The following RPRD1A variants were observed in gnomAD, a reference collection of about 807,000 sequenced individuals.
RPRD1A encodes regulation of nuclear pre-mRNA domain containing 1A.
Under a neutral mutation model 37.8 loss-of-function variants are expected in RPRD1A, and 9 were observed. The observed-to-expected ratio is 0.24, with a 90% CI of 0.14 to 0.42. RPRD1A has a LOEUF of 0.42. Ranked by LOEUF, RPRD1A falls within the 10% of genes least tolerant of loss-of-function variation. The pLI is 1.00. For missense variants in RPRD1A, 255 were observed against 371.0 expected (o/e 0.69, Z 2.57); for synonymous variants, 138 against 139.7 (o/e 0.99, Z 0.08).
chr18:36,031,244 G>T, intron 2 of RPRD1A, 147 bp from the exon 3 acceptor site: 1 of 1,004,960 alleles, frequency 1.0e-6, no homozygotes, highest in Non-Finnish European at 1.4e-6. Flanking sequence ...TCACTATGTG[G>T]CCAGCAGCTC....
intron 6 of RPRD1A, among the ~76,000 whole-genome samples, chr18:36,008,294 T>C (rs1017723060): frequency 6.6e-6 from 1 of 151,800 alleles, no homozygotes; most frequent in African/African-American, 2.4e-5. Context: ...AAATTGTAAT[T>C]AGACTGTGTG....
intron 1 of RPRD1A, among the ~76,000 whole-genome samples, chr18:36,038,783 G>C (rs1436169747): frequency 6.6e-6 from 1 of 152,210 alleles, no homozygotes. Context: ...CCCTGGATGT[G>C]AGACAGGGAG....
intron 1 of RPRD1A, among the ~76,000 whole-genome samples, chr18:36,063,315 G>A (rs967644192): frequency 1.3e-5 from 2 of 152,040 alleles, no homozygotes; most frequent in African/African-American, 4.8e-5. Flanking sequence ...CCTTAGGCCT[G>A]CGCCATCATG....
chr18:35,993,664 T>C (rs891547015), intron 6 of RPRD1A, among the ~76,000 whole-genome samples: 3 of 152,158 alleles, frequency 2.0e-5, no homozygotes, highest in African/African-American at 7.2e-5. Context: ...GAAAACTCAG[T>C]AGGAATGGCC....
intron 6 of RPRD1A, among the ~76,000 whole-genome samples, chr18:36,005,665 G>T (rs995151993): frequency 6.6e-6 from 1 of 152,152 alleles, no homozygotes; most frequent in Non-Finnish European, 1.5e-5. Context: ...GAAATCCACA[G>T]CATGAAAATG....
intron 4 of RPRD1A, among the ~76,000 whole-genome samples, chr18:36,030,095 T>TGG (rs1301803031): frequency 1.3e-4 from 20 of 150,350 alleles, no homozygotes; most frequent in African/African-American, 4.6e-4. Flanking sequence ...CGTGAGCCAC[T>TGG]GCGCCCGGCC....
In RPRD1A at chr18:35,990,234, TTGAG is replaced by T. The variant is rs1326865114; in HGVS notation, c.*2913_*2916del. ...TTTCCCAATTAGTTAATTTGTACTG[TTGAG>T]TTTTTTCTCTCTAAAGATTTCTCAG... is the stretch of plus-strand genomic sequence containing the variant. On this transcript the variant is annotated 3_prime_UTR_variant, in exon 7 of 7. Coordinates refer to ENST00000399022, the MANE Select transcript of RPRD1A (RefSeq NM_018170.5). 3 of 152,236 alleles carry T rather than the reference TTGAG, an allele frequency of 2.0e-5. No individual in the cohort carries two copies. In the East Asian group the frequency reaches 5.8e-4, roughly 29 times the overall value. 9.4% of individuals were successfully genotyped at this position (152,236 alleles called of 1,614,324 possible). A position where few individuals can be genotyped will look rare whatever the true frequency, so the allele number is the denominator to read the frequency against.
chr18:36,035,157 G>C (rs112424448), intron 1 of RPRD1A, among the ~76,000 whole-genome samples: 17 of 152,228 alleles, frequency 1.1e-4, no homozygotes, highest in African/African-American at 3.6e-4. Flanking sequence ...TGTCTCTTTT[G>C]TACCCATCCT....
intron 4 of RPRD1A, 25 bp downstream of exon 4, chr18:36,030,781 ACT>A: frequency 7.1e-7 from 1 of 1,402,560 alleles, no homozygotes; most frequent in South Asian, 1.2e-5. Flanking sequence ...AAAGTTTGTA[ACT>A]CTTTTAACAG....
At chr18:36,024,859 T>C (rs567224787) in intron 6 of RPRD1A, 3 of 152,346 alleles carry the variant, frequency 2.0e-5, no homozygotes, top group East Asian at 1.9e-4. Flanking sequence ...AGGAATAACA[T>C]AGTTCTAAGT....
chr18:36,028,125 T>C (rs1481786447), intron 4 of RPRD1A: 2 of 152,090 alleles, frequency 1.3e-5, no homozygotes, highest in Admixed American at 6.6e-5. Context: ...ATCTTTTTCA[T>C]CTTTCTTTCT....
At chr18:36,060,849 C>T (rs2088894079) in intron 1 of RPRD1A, among the ~76,000 whole-genome samples, 2 of 152,132 alleles carry the variant, frequency 1.3e-5, no homozygotes, top group East Asian at 3.9e-4. Flanking sequence ...AAAAAATAAG[C>T]CCAGCATGGT....
intron 6 of RPRD1A, among the ~76,000 whole-genome samples, chr18:35,997,697 C>T (rs61549725): frequency 0.028 from 4,327 of 152,290 alleles, 196 homozygotes; most frequent in African/African-American, 0.098. Context: ...TCTTACCCAT[C>T]TTTAGTCAAA....
chr18:36,045,014 T>C (rs1293686486), intron 1 of RPRD1A, among the ~76,000 whole-genome samples: 1 of 152,018 alleles, frequency 6.6e-6, no homozygotes, highest in East Asian at 1.9e-4. Flanking sequence ...CCAAAGTGGG[T>C]GGATCACTTG....
chr18:36,066,859 T>C (rs1406874914), intron 1 of RPRD1A, among the ~76,000 whole-genome samples: 1 of 152,196 alleles, frequency 6.6e-6, no homozygotes, highest in African/African-American at 2.4e-5. Context: ...GTTACAGAAA[T>C]GACGGAAGTA....
chr18:36,055,787 A>G (rs1913722430), intron 1 of RPRD1A, among the ~76,000 whole-genome samples: 1 of 152,208 alleles, frequency 6.6e-6, no homozygotes, highest in Admixed American at 6.5e-5. Flanking sequence ...CATGTCTGAG[A>G]GGGTGGATGT....
intron 6 of RPRD1A, among the ~76,000 whole-genome samples, chr18:36,006,176 G>A (rs1909738263): frequency 6.6e-6 from 1 of 152,144 alleles, no homozygotes; most frequent in African/African-American, 2.4e-5. Flanking sequence ...ATACAATGGA[G>A]TTTAAGTGCC....
intron 1 of RPRD1A, among the ~76,000 whole-genome samples, chr18:36,061,819 GCAGAATAGACATT>G (rs2088916655): frequency 6.6e-6 from 1 of 152,074 alleles, no homozygotes; most frequent in South Asian, 2.1e-4. Flanking sequence ...TTTAAAATAG[GCAGAATAGACATT>G]TCTCCAGACA....
At chr18:36,051,830 G>A (rs983808140) in intron 1 of RPRD1A, among the ~76,000 whole-genome samples, 8 of 152,034 alleles carry the variant, frequency 5.3e-5, no homozygotes, top group African/African-American at 1.9e-4. Context: ...GAAGAAAAAT[G>A]AACACAGCCT....
Sources: gnomAD v4.1 joint callset for allele counts (sites outside exome capture counted in the v4.1 genomes callset) on GRCh38, gnomAD v4.1.1 for gene constraint, MANE v1.5 for transcripts, NCBI Gene and HGNC (gene_info 2026-07-23, HGNC 2026-07-21) for gene names.